ILRUN: variants seen among roughly 807,000 people sequenced by gnomAD.
ILRUN encodes the protein protein ILRUN.
In ILRUN, 3 loss-of-function variants were observed where a neutral mutation model predicts 33.8. That is an observed-to-expected ratio of 0.09 (90% CI 0.04 to 0.23). The LOEUF (loss-of-function observed/expected upper bound fraction) is 0.23, where lower values mean the gene tolerates loss of function less well. Among genes scored for constraint, ILRUN ranks in the 10% least tolerant of loss-of-function variants. ILRUN has a pLI of 1.00. For missense variants in ILRUN, 210 were observed against 375.1 expected, an observed-to-expected ratio of 0.56 and a Z score of 3.64; for synonymous variants, 124 against 138.9, an observed-to-expected ratio of 0.89 and a Z score of 0.75.
In ILRUN at chr6:34,639,113, TAAAC is replaced by T. The variant is rs546438472; in HGVS notation, c.511+7484_511+7487del. Among the ~76,000 whole-genome samples, 29 of 152,306 alleles carry T rather than the reference TAAAC, an allele frequency of 1.9e-4. No individual in the cohort carries two copies. The South Asian group carries it at 5.6e-3, about 29-fold the overall frequency. On this transcript the variant is annotated intron_variant, in intron 3 of 4. Coordinates refer to ENST00000374023, the MANE Select transcript of ILRUN (RefSeq NM_024294.4). The stretch of plus-strand genomic sequence containing the variant: ...AAGAATTTACAAAGGTTTTGGGAAA[TAAAC>T]AGTGTAGTTTACATAGAGCACCCAA...
At chr6:34,689,723 A>G (rs902786112) in intron 1 of ILRUN, among the ~76,000 whole-genome samples, 1 of 151,862 alleles carries the variant, frequency 6.6e-6, no homozygotes, top group Non-Finnish European at 1.5e-5. Context: ...ACTGATTTTC[A>G]TATCTAGATT....
intron 4 of ILRUN, among the ~76,000 whole-genome samples, chr6:34,603,233 C>T (rs1582035423): frequency 1.3e-5 from 2 of 152,206 alleles, no homozygotes; most frequent in Non-Finnish European, 2.9e-5. Context: ...GGCAACTGAG[C>T]CGGGCACGGT....
At chr6:34,606,944 C>G (rs747303458) in intron 3 of ILRUN, 40 bp from the exon 4 acceptor site, 12 of 1,495,192 alleles carry the variant, frequency 8.0e-6, no homozygotes, top group Non-Finnish European at 1.1e-5. Flanking sequence ...CCAGGCTTAC[C>G]CTTAAAGGCC....
In ILRUN at chr6:34,646,796, C is replaced by A. The variant is rs373587197; in HGVS notation, c.316G>T (p.Ala106Ser). 1 of 1,613,848 alleles carries A rather than the reference C, an allele frequency of 6.2e-7. No individual in the cohort carries two copies. The highest frequency in any genetic ancestry group is 1.7e-5 in the Admixed American group (1 of 60,014). Residue 106 changes from alanine (A) to serine (S), a missense_variant and splice_region_variant, in exon 3 of 5, where the codon GCA becomes TCA. Transcript: ENST00000374023. This position sits in a 1 kb window ranked among gnomAD's most constrained non-coding sequence, Gnocchi z 4.9. ...CAAACCCCTGGAGGCCAGGCCTCTG[C>A]CCCTGAGTTCAAGCAAAAGAAAAAA... is the stretch of plus-strand genomic sequence containing the variant. ...VKTWRIQNSGAEAWPPGVCLK... is the reference protein window; with the variant it reads ...VKTWRIQNSGSEAWPPGVCLK...
At chr6:34,662,305 CAAA>C (rs528133769) in intron 1 of ILRUN, among the ~76,000 whole-genome samples, 4 of 75,176 alleles carry the variant, frequency 5.3e-5, no homozygotes, top group Non-Finnish European at 2.7e-5. Flanking sequence ...GACTCCGTCT[CAAA>C]AAAAAAAAAA....
At chr6:34,624,198 CTG>C (rs1762068593) in intron 3 of ILRUN, among the ~76,000 whole-genome samples, 1 of 152,114 alleles carries the variant, frequency 6.6e-6, no homozygotes, top group Non-Finnish European at 1.5e-5. Flanking sequence ...ATCTTGATAT[CTG>C]TGAGATTTTC....
At chr6:34,608,354 G>A (rs1454785867) in intron 3 of ILRUN, among the ~76,000 whole-genome samples, 1 of 151,800 alleles carries the variant, frequency 6.6e-6, no homozygotes, top group Non-Finnish European at 1.5e-5. Context: ...CTGCACTCTA[G>A]CCTAGTTGAC....
Position 34,590,703 on chromosome 6 carries a change from C to T in ILRUN, c.862-103G>A, listed in dbSNP as rs537186013. On this transcript the variant is annotated intron_variant, in intron 4 of 4. Coordinates refer to ENST00000374023, the MANE Select transcript of ILRUN (RefSeq NM_024294.4). ...GGTTCCCAGTGAGTCACAAGGAAGC[C>T]CCAATCCACAGACAAGGCCTGAGGG... 4.3e-5 allele frequency: 37 copies of T among 869,662 alleles called. No homozygotes were observed. In the African/African-American group the frequency reaches 4.5e-4, roughly 10 times the overall value. 53.9% of individuals were successfully genotyped at this position (869,662 alleles called of 1,614,324 possible).
intron 2 of ILRUN, among the ~76,000 whole-genome samples, chr6:34,651,493 G>A (rs990559982): frequency 2.0e-5 from 3 of 152,028 alleles, no homozygotes; most frequent in African/African-American, 7.3e-5. Context: ...TAACAGTCTA[G>A]TAAGTAGATA....
chr6:34,619,498 C>T (rs747619172), intron 3 of ILRUN, among the ~76,000 whole-genome samples: 6 of 151,994 alleles, frequency 3.9e-5, no homozygotes, highest in African/African-American at 1.2e-4. Context: ...TGGGACTACA[C>T]GCAGGCACTT....
At chr6:34,671,792 T>C (rs1196372585) in intron 1 of ILRUN, 1 of 152,134 alleles carries the variant, frequency 6.6e-6, no homozygotes, top group Non-Finnish European at 1.5e-5. Context: ...GCAACTTAAT[T>C]AAGGGAACTG....
intron 3 of ILRUN, among the ~76,000 whole-genome samples, chr6:34,633,411 T>C (rs563189426): frequency 6.6e-6 from 1 of 152,144 alleles, no homozygotes; most frequent in East Asian, 1.9e-4. Flanking sequence ...TATAAAGGAA[T>C]TGAACAACAA....
intron 3 of ILRUN, among the ~76,000 whole-genome samples, chr6:34,608,069 G>A (rs757873108): frequency 2.4e-4 from 37 of 151,054 alleles, no homozygotes; most frequent in Admixed American, 4.6e-4. Context: ...CTCCAGCTCA[G>A]GCAACACAGC....
Position 34,661,526 on chromosome 6 carries a change from T to C in ILRUN, c.159-6747A>G, listed in dbSNP as rs1762886019. Among the ~76,000 whole-genome samples the C allele has an allele frequency of 3.3e-5, 5 of 152,212 alleles. 1 individual carries two copies. The highest frequency in any genetic ancestry group is 2.6e-4 in the Admixed American group (4 of 15,276). Reference sequence around the variant, plus strand: ...AGTATCTGGTCTATAAACTACACATTTGAGAGCTCTGGACAGTCATGGCTC... The same window carrying C: ...AGTATCTGGTCTATAAACTACACATCTGAGAGCTCTGGACAGTCATGGCTC... On this transcript the variant is annotated intron_variant, in intron 1 of 4. Transcript: ENST00000374023.
chr6:34,690,106 A>T (rs1214239170), intron 1 of ILRUN, among the ~76,000 whole-genome samples: 1 of 152,178 alleles, frequency 6.6e-6, no homozygotes, highest in Non-Finnish European at 1.5e-5. Flanking sequence ...GACTCTTGTT[A>T]CTAATGCTAA....
chr6:34,670,971 G>A (rs1241442277), intron 1 of ILRUN, among the ~76,000 whole-genome samples: 2 of 152,074 alleles, frequency 1.3e-5, no homozygotes, highest in Non-Finnish European at 2.9e-5. Context: ...GAGATATTTA[G>A]GATTAAGTAA....
At chr6:34,617,550 T>A (rs955602530) in intron 3 of ILRUN, among the ~76,000 whole-genome samples, 6 of 152,174 alleles carry the variant, frequency 3.9e-5, no homozygotes, top group Admixed American at 3.3e-4. Context: ...TCACCACATC[T>A]GTCAACATGC....
chr6:34,623,027 G>A (rs183477861), intron 3 of ILRUN, among the ~76,000 whole-genome samples: 18 of 152,290 alleles, frequency 1.2e-4, no homozygotes, highest in African/African-American at 3.4e-4. Context: ...CCACGTATGT[G>A]AGGTACCTAA....
At position 34,646,518 on chromosome 6, in the gene ILRUN, G is replaced by T; in HGVS notation, c.511+83C>A. 2.2e-6 allele frequency: 3 copies of T among 1,366,300 alleles called. No homozygotes were observed. Among genetic ancestry groups the T allele is most frequent in the African/African-American group, 1.4e-5 (1 of 70,162 alleles). 84.6% of individuals were successfully genotyped at this position (1,366,300 alleles called of 1,614,324 possible). ...GAGGCCATGCCCTGTTATGCAATTT[G>T]ACAGGCTCTGTGAGCAACACTGGGG... On this transcript the variant is annotated intron_variant, in intron 3 of 4. Coordinates refer to ENST00000374023, the MANE Select transcript of ILRUN (RefSeq NM_024294.4). This position sits in a 1 kb window ranked among gnomAD's most constrained non-coding sequence, Gnocchi z 4.9.
Sources: gnomAD v4.1 joint callset for allele counts (sites outside exome capture counted in the v4.1 genomes callset) on GRCh38, gnomAD v4.1.1 for gene constraint, Gnocchi (gnomAD v3.1) non-coding constraint, MANE v1.5 for transcripts, NCBI Gene and HGNC (gene_info 2026-07-23, HGNC 2026-07-21) for gene names.